Variants in GPC6 observed in about 807,000 individuals in gnomAD.
GPC6 encodes glypican 6, also known as glypican-6.
In GPC6, 14 loss-of-function variants were observed where a neutral mutation model predicts 55.2. The observed-to-expected ratio is 0.25, with a 90% CI of 0.17 to 0.40. The LOEUF (loss-of-function observed/expected upper bound fraction) is 0.40, where lower values mean the gene tolerates loss of function less well. Ranked by LOEUF, GPC6 falls within the 10% of genes least tolerant of loss-of-function variation. The probability of loss-of-function intolerance (pLI) is 1.00; values close to 1 mark genes in which losing one functional copy is unlikely to be tolerated. For missense variants in GPC6, 641 were observed against 708.5 expected (o/e 0.90, Z 1.08); for synonymous variants, 278 against 259.6 (o/e 1.07, Z -0.68).
At chr13:93,980,474 A>C (rs983502105) in intron 3 of GPC6, among the ~76,000 whole-genome samples, 2 of 152,174 alleles carry the variant, frequency 1.3e-5, no homozygotes, top group Non-Finnish European at 2.9e-5. Flanking sequence ...CCAGCCAAGC[A>C]GTATTCTCTG....
chr13:94,004,936 C>T (rs1423513878), intron 3 of GPC6, among the ~76,000 whole-genome samples: 1 of 152,066 alleles, frequency 6.6e-6, no homozygotes, highest in Non-Finnish European at 1.5e-5. Flanking sequence ...GTGGTGGATG[C>T]CTGAAATCCC....
chr13:93,876,470 G>A (rs1889301013), intron 3 of GPC6, among the ~76,000 whole-genome samples: 1 of 151,992 alleles, frequency 6.6e-6, no homozygotes, highest in African/African-American at 2.4e-5. Context: ...TCTATGACCT[G>A]GTTTCTCTGT....
chr13:93,637,885 G>A (rs373545732), intron 2 of GPC6, among the ~76,000 whole-genome samples: 16 of 152,232 alleles, frequency 1.1e-4, no homozygotes, highest in African/African-American at 3.9e-4. Flanking sequence ...TCCTCCATAT[G>A]TAGCCGTCAT....
At chr13:94,078,711 T>C (rs1334788445) in intron 4 of GPC6, among the ~76,000 whole-genome samples, 3 of 152,034 alleles carry the variant, frequency 2.0e-5, no homozygotes, top group South Asian at 2.1e-4. Flanking sequence ...AAAGAAACTC[T>C]AAACAGAACA....
intron 1 of GPC6, among the ~76,000 whole-genome samples, chr13:93,479,611 C>CA (rs556050538): frequency 3.5e-5 from 5 of 141,652 alleles, no homozygotes; most frequent in African/African-American, 1.3e-4. Context: ...TGGTGAGACC[C>CA]CCCCCCATCT....
At chr13:93,595,828 A>T (rs992341642) in intron 2 of GPC6, among the ~76,000 whole-genome samples, 3 of 152,208 alleles carry the variant, frequency 2.0e-5, no homozygotes, top group Non-Finnish European at 2.9e-5. Context: ...TGTTATTGTT[A>T]TACATCAGAA....
At chr13:93,849,314 G>A (rs1381395423) in intron 3 of GPC6, among the ~76,000 whole-genome samples, 1 of 152,012 alleles carries the variant, frequency 6.6e-6, no homozygotes, top group Non-Finnish European at 1.5e-5. Context: ...TTTTGGAAAA[G>A]GATGTACTAT....
intron 4 of GPC6, among the ~76,000 whole-genome samples, chr13:94,207,125 ACAGGCTTTTC>A (rs2138983614): frequency 6.6e-6 from 1 of 152,172 alleles, no homozygotes; most frequent in East Asian, 1.9e-4. Context: ...AAACCACAAT[ACAGGCTTTTC>A]CAGGCTTTTT....
intron 3 of GPC6, among the ~76,000 whole-genome samples, chr13:94,018,149 ATTTC>A (rs1285376790): frequency 6.6e-6 from 1 of 152,040 alleles, no homozygotes; most frequent in African/African-American, 2.4e-5. Context: ...ATTTCATTAA[ATTTC>A]TTTTCTGCAT....
At chr13:93,966,330 T>C (rs1182850677) in intron 3 of GPC6, among the ~76,000 whole-genome samples, 2 of 152,194 alleles carry the variant, frequency 1.3e-5, no homozygotes, top group Non-Finnish European at 2.9e-5. Flanking sequence ...TGCACTTGCC[T>C]AAAACAATAT....
intron 1 of GPC6, among the ~76,000 whole-genome samples, chr13:93,341,365 G>A (rs1193033660): frequency 6.6e-6 from 1 of 152,124 alleles, no homozygotes; most frequent in African/African-American, 2.4e-5. Context: ...ATTCTCACCA[G>A]CAGTGTTTAA....
At chr13:93,505,559 A>G (rs1388037075) in intron 1 of GPC6, among the ~76,000 whole-genome samples, 1 of 152,008 alleles carries the variant, frequency 6.6e-6, no homozygotes, top group African/African-American at 2.4e-5. Context: ...TGACATGCAT[A>G]TTTTCTTATA....
intron 4 of GPC6, among the ~76,000 whole-genome samples, chr13:94,067,577 TTATAGATAGATAGATA>T (rs1222372701): frequency 7.7e-6 from 1 of 130,324 alleles, no homozygotes; most frequent in Non-Finnish European, 1.6e-5. Context: ...GATAGATAGA[TTATAGATAGATAGATA>T]GATAGATAGA....
chr13:93,366,839 T>C (rs1287801213), intron 1 of GPC6, among the ~76,000 whole-genome samples: 2 of 152,110 alleles, frequency 1.3e-5, no homozygotes, highest in Non-Finnish European at 2.9e-5. Context: ...ATTTATGAAT[T>C]TATTTGTAAT....
At chr13:94,225,641 T>C (rs1890529485) in intron 4 of GPC6, among the ~76,000 whole-genome samples, 1 of 143,878 alleles carries the variant, frequency 7.0e-6, no homozygotes, top group African/African-American at 2.6e-5. Context: ...ATGTAAGGTA[T>C]ATATATATGT....
At chr13:94,188,281 G>A (rs1889268304) in intron 4 of GPC6, among the ~76,000 whole-genome samples, 1 of 152,176 alleles carries the variant, frequency 6.6e-6, no homozygotes, top group African/African-American at 2.4e-5. Context: ...GAAGGCCCAA[G>A]CACTTTCCCC....
At chr13:93,989,869 A>C (rs917341428) in intron 3 of GPC6, among the ~76,000 whole-genome samples, 4 of 150,806 alleles carry the variant, frequency 2.7e-5, no homozygotes, top group Non-Finnish European at 4.4e-5. Context: ...TTTTCCACAG[A>C]ACTAAACTTT....
chr13:93,368,351 T>C, intron 1 of GPC6, among the ~76,000 whole-genome samples: 1 of 80,454 alleles, frequency 1.2e-5, no homozygotes. Flanking sequence ...CTTCCTTCCT[T>C]CCTTCCTTCC....
intron 6 of GPC6, among the ~76,000 whole-genome samples, chr13:94,320,357 T>G (rs917933632): frequency 6.6e-6 from 1 of 152,220 alleles, no homozygotes; most frequent in Non-Finnish European, 1.5e-5. Context: ...CTGAAGAGTT[T>G]GCTGGTCTCA....
Sources: allele counts gnomAD v4.1 joint callset (sites outside exome capture counted in the v4.1 genomes callset), GRCh38; gene constraint gnomAD v4.1.1; transcripts MANE v1.5; gene names NCBI Gene and HGNC (gene_info 2026-07-23, HGNC 2026-07-21).